Variants in PCDHGA6 observed in about 807,000 individuals in gnomAD.
PCDHGA6 encodes protocadherin gamma subfamily A, 6, also known as protocadherin gamma-A6.
In PCDHGA6, 41 loss-of-function variants were observed where a neutral mutation model predicts 60.6. The observed-to-expected ratio is 0.68, with a 90% CI of 0.53 to 0.88. The LOEUF is 0.88. Among genes scored for constraint, PCDHGA6 ranks in the 40% least tolerant of loss-of-function variants. PCDHGA6 has a pLI of 0.00. For missense variants in PCDHGA6, 1,312 were observed against 1,203.0 expected (o/e 1.09, Z -1.34); for synonymous variants, 594 against 524.4 (o/e 1.13, Z -1.81).
chr5:141,402,319 C>G lies in PCDHGA6; in HGVS notation c.2424+25812C>G, dbSNP rs181180510. On this transcript the variant is annotated intron_variant, in intron 1 of 3. Transcript: ENST00000517434. ...TGTATTAATACAATTATATATTTTA[C>G]ATTTACAAATATATAGGTATAAAAA... Among the ~76,000 whole-genome samples, 14 of 151,934 alleles carry G rather than the reference C, an allele frequency of 9.2e-5. No individual in the cohort carries two copies. In the East Asian group the frequency reaches 2.7e-3, roughly 29 times the overall value.
intron 1 of PCDHGA6, among the ~76,000 whole-genome samples, chr5:141,438,629 TATATATACACACAC>T (rs1468553117): frequency 3.8e-3 from 181 of 48,054 alleles, no homozygotes; most frequent in Non-Finnish European, 5.4e-3. Flanking sequence ...TATATATATA[TATATATACACACAC>T]ACACACACAT....
chr5:141,410,358 T>C, intron 1 of PCDHGA6: 2 of 1,614,070 alleles, frequency 1.2e-6, no homozygotes, highest in Non-Finnish European at 8.5e-7. Flanking sequence ...CGACGCTCTC[T>C]CAGCCCTGCT....
chr5:141,432,797 T>C lies in PCDHGA6; in HGVS notation c.2424+56290T>C, dbSNP rs1591218426. On this transcript the variant is annotated intron_variant, in intron 1 of 3. Coordinates refer to ENST00000517434, the MANE Select transcript of PCDHGA6 (RefSeq NM_018919.3). The surrounding 1 kb of genome is among the most constrained non-coding windows in gnomAD (Gnocchi z 6.0). The stretch of plus-strand genomic sequence containing the variant: ...CCTGGCGGACCTCGGCAGCCTCGAG[T>C]CTCCAGCTAACTCTGAAACCTCAGA... 2.5e-6 allele frequency: 4 copies of C among 1,613,752 alleles called. No individual in the cohort carries two copies. The highest frequency in any genetic ancestry group is 2.7e-5 in the African/African-American group (2 of 74,816).
chr5:141,457,045 C>T (rs1489830197), intron 1 of PCDHGA6, among the ~76,000 whole-genome samples: 1 of 152,198 alleles, frequency 6.6e-6, no homozygotes, highest in African/African-American at 2.4e-5. Context: ...GATAGTAAAA[C>T]TTTCATGCTT....
intron 1 of PCDHGA6, chr5:141,413,905 C>G: frequency 6.2e-7 from 1 of 1,613,338 alleles, no homozygotes; most frequent in Non-Finnish European, 8.5e-7. Context: ...TGACAACGCG[C>G]CGGTCTTCAC....
intron 1 of PCDHGA6, chr5:141,383,945 T>G: frequency 6.2e-7 from 1 of 1,613,858 alleles, no homozygotes. Context: ...GAAGTGACTA[T>G]GACGTCTTTA....
At chr5:141,492,189 G>C (rs2099737936) in intron 1 of PCDHGA6, among the ~76,000 whole-genome samples, 1 of 152,204 alleles carries the variant, frequency 6.6e-6, no homozygotes, top group Non-Finnish European at 1.5e-5. Context: ...GCACCTGTCT[G>C]CGGGACTTAG....
intron 1 of PCDHGA6, chr5:141,424,475 T>C (rs1399874639): frequency 2.6e-5 from 4 of 152,234 alleles, no homozygotes; most frequent in Admixed American, 2.0e-4. Context: ...ATTCTTTTAC[T>C]TTGGTGTCTG....
rs1335648205 is a variant in PCDHGA6 at position 141,375,235 on chromosome 5, T to C, written c.1152T>C (p.Cys384=). The C allele has an allele frequency of 6.2e-7, 1 of 1,613,872 alleles. No individual in the cohort carries two copies. The highest frequency in any genetic ancestry group is 8.5e-7 in the Non-Finnish European group (1 of 1,179,906). The change falls in exon 1 of 4, where the codon TGT becomes TGC. Residue 384 remains cysteine (C), a synonymous_variant. Transcript: ENST00000517434. ...RDSGLNGLVT[C]SIPRSLPFEL... is the part of the protein sequence containing the mutation. ...CTGGCCTGAATGGCCTGGTAACCTG[T>C]TCCATCCCGAGAAGTCTCCCATTTG...
chr5:141,388,919 G>T, intron 1 of PCDHGA6: 1 of 1,613,998 alleles, frequency 6.2e-7, no homozygotes. Flanking sequence ...CCCCAGAAGT[G>T]ATATTCCAGT....
intron 1 of PCDHGA6, among the ~76,000 whole-genome samples, chr5:141,482,843 G>A (rs1005014887): frequency 7.1e-6 from 1 of 140,154 alleles, no homozygotes; most frequent in Non-Finnish European, 1.5e-5. Flanking sequence ...AGGCCAAGGT[G>A]GGCAGATCAC....
Position 141,431,215 on chromosome 5 carries a change from C to T in PCDHGA6, c.2424+54708C>T, listed in dbSNP as rs1225114172. On this transcript the variant is annotated intron_variant, in intron 1 of 3. Transcript: ENST00000517434. The surrounding 1 kb of genome is among the most constrained non-coding windows in gnomAD (Gnocchi z 4.8). ...AAAATGCAGCCACTGAGATGCGGTT[C>T]CCTCTACCCCACGCCTGGGATCCGG... is the stretch of plus-strand genomic sequence containing the variant. 2.5e-6 allele frequency: 4 copies of T among 1,614,066 alleles called. No homozygotes were observed. The highest frequency in any genetic ancestry group is 1.3e-5 in the African/African-American group (1 of 74,942).
At chr5:141,398,857 C>A in intron 1 of PCDHGA6, 2 of 1,613,918 alleles carry the variant, frequency 1.2e-6, no homozygotes, top group Middle Eastern at 1.6e-4. Flanking sequence ...GGTATTCAAC[C>A]GAGACGTGTA....
chr5:141,473,925 T>C (rs1338065496), intron 1 of PCDHGA6, among the ~76,000 whole-genome samples: 1 of 152,124 alleles, frequency 6.6e-6, no homozygotes, highest in East Asian at 1.9e-4. Context: ...AACTATGAGC[T>C]GGGTGCAGTA....
intron 1 of PCDHGA6, among the ~76,000 whole-genome samples, chr5:141,451,719 TA>T (rs2098722539): frequency 6.6e-6 from 1 of 152,016 alleles, no homozygotes; most frequent in Non-Finnish European, 1.5e-5. Flanking sequence ...CTGCCTCTAC[TA>T]AAAATACAAA....
chr5:141,392,690 G>T, intron 1 of PCDHGA6: 1 of 1,127,490 alleles, frequency 8.9e-7, no homozygotes, highest in Non-Finnish European at 1.2e-6. Flanking sequence ...AGCGAAACCC[G>T]ACCCCTGTTT....
chr5:141,478,920 C>T lies in PCDHGA6; in HGVS notation c.2425-15887C>T, dbSNP rs559060283. On this transcript the variant is annotated intron_variant, in intron 1 of 3. Transcript: ENST00000517434. Reference sequence around the variant, plus strand: ...GGAATAAGCTGCTGGATACCTCTAACCAGTGGCAGCTTCTAGGAATACAAA... The same window carrying T: ...GGAATAAGCTGCTGGATACCTCTAATCAGTGGCAGCTTCTAGGAATACAAA... 608 of 728,392 alleles carry T rather than the reference C, an allele frequency of 8.3e-4. 2 individuals are homozygous for T. The highest frequency in any genetic ancestry group is 1.2e-3 in the South Asian group (55 of 44,196). 45.1% of individuals were successfully genotyped at this position (728,392 alleles called of 1,614,324 possible).
chr5:141,432,336 G>A lies in PCDHGA6; in HGVS notation c.2424+55829G>A. On this transcript the variant is annotated intron_variant, in intron 1 of 3. Coordinates refer to ENST00000517434, the MANE Select transcript of PCDHGA6 (RefSeq NM_018919.3). The surrounding 1 kb of genome is among the most constrained non-coding windows in gnomAD (Gnocchi z 6.0). ...AGCTCCTTCGACTACGAGCAGTTCC[G>A]AGACTTGCAAGTGAAAGTGATGGCG... 1.2e-6 allele frequency: 2 copies of A among 1,614,250 alleles called. No homozygotes were observed. The highest frequency in any genetic ancestry group is 1.7e-6 in the Non-Finnish European group (2 of 1,180,040).
At position 141,432,252 on chromosome 5, in the gene PCDHGA6, G is replaced by A. The variant is rs749107567; in HGVS notation, c.2424+55745G>A. 3.7e-6 allele frequency: 6 copies of A among 1,614,220 alleles called. No homozygotes were observed. The highest frequency in any genetic ancestry group is 5.1e-6 in the Non-Finnish European group (6 of 1,180,042). ...TCCCTGGCTGAGAACACCATCCAAG[G>A]GGCAAGCCTATCGTCCTACGTGTCC... On this transcript the variant is annotated intron_variant, in intron 1 of 3. Coordinates refer to ENST00000517434, the MANE Select transcript of PCDHGA6 (RefSeq NM_018919.3). The surrounding 1 kb of genome is among the most constrained non-coding windows in gnomAD (Gnocchi z 6.0).
Sources: gnomAD v4.1 joint callset for allele counts (sites outside exome capture counted in the v4.1 genomes callset) on GRCh38, gnomAD v4.1.1 for gene constraint, Gnocchi (gnomAD v3.1) non-coding constraint, MANE v1.5 for transcripts, NCBI Gene and HGNC (gene_info 2026-07-23, HGNC 2026-07-21) for gene names.